Variants in MRPL1 observed in about 807,000 individuals in gnomAD.
MRPL1 encodes the protein large ribosomal subunit protein uL1m.
A neutral mutation model predicts 38.0 loss-of-function variants in MRPL1; 28 were observed. The ratio of observed to expected loss-of-function variants is 0.74; its 90% confidence interval spans 0.55 to 1.01. The LOEUF is 1.01. MRPL1 is among the 50% of genes least tolerant of loss of function. The pLI, the probability that MRPL1 is intolerant of heterozygous loss-of-function variation, is 0.00. For missense variants in MRPL1, 358 were observed against 389.8 expected (o/e 0.92, Z 0.69); for synonymous variants, 123 against 126.7 (o/e 0.97, Z 0.20).
intron 7 of MRPL1, among the ~76,000 whole-genome samples, chr4:77,929,611 T>G (rs1052613099): frequency 5.9e-5 from 9 of 152,292 alleles, no homozygotes; most frequent in African/African-American, 2.2e-4. Flanking sequence ...TTTGTTAAAG[T>G]GATGTAAAGC....
At chr4:77,932,163 C>G (rs1416856401) in intron 7 of MRPL1, among the ~76,000 whole-genome samples, 1 of 152,218 alleles carries the variant, frequency 6.6e-6, no homozygotes, top group Non-Finnish European at 1.5e-5. Flanking sequence ...GCAACAACAA[C>G]TGTGTTCAAG....
chr4:77,928,504 T>C (rs1736769442), intron 7 of MRPL1, among the ~76,000 whole-genome samples: 1 of 152,202 alleles, frequency 6.6e-6, no homozygotes, highest in Non-Finnish European at 1.5e-5. Context: ...TTTCTTTTGT[T>C]GCATTATTTT....
At chr4:77,872,011 A>G (rs1332931518) in intron 2 of MRPL1, among the ~76,000 whole-genome samples, 156 bp downstream of exon 2, 1 of 152,256 alleles carries the variant, frequency 6.6e-6, no homozygotes, top group Non-Finnish European at 1.5e-5. Flanking sequence ...AAGATAAGAC[A>G]TAATAATACT....
At chr4:77,916,955 A>T (rs1158761878) in intron 7 of MRPL1, among the ~76,000 whole-genome samples, 1 of 152,206 alleles carries the variant, frequency 6.6e-6, no homozygotes, top group South Asian at 2.1e-4. Context: ...GTATCTTTAT[A>T]CCCTCACTAG....
In MRPL1 at chr4:77,883,235, T is replaced by C. The variant is rs1430676535; in HGVS notation, c.144-7T>C. On this transcript the variant is annotated splice_polypyrimidine_tract_variant and splice_region_variant and intron_variant, in intron 2 of 8. Coordinates refer to ENST00000315567, the MANE Select transcript of MRPL1 (RefSeq NM_020236.4). ...ATTGATATAACTCAACTTTATTTTC[T>C]TTTAAGGTCTGCAAAGAAAACAAAA... 2.0e-6 allele frequency: 3 copies of C among 1,534,978 alleles called. No individual in the cohort carries two copies. Among genetic ancestry groups the C allele is most frequent in the Non-Finnish European group, 2.6e-6 (3 of 1,141,196 alleles).
intron 7 of MRPL1, among the ~76,000 whole-genome samples, chr4:77,912,604 C>G (rs1359507347): frequency 6.6e-6 from 1 of 152,068 alleles, no homozygotes. Flanking sequence ...TCAGTAGACT[C>G]AATATTGTTA....
intron 2 of MRPL1, among the ~76,000 whole-genome samples, chr4:77,880,113 A>G (rs967337922): frequency 3.3e-5 from 5 of 152,190 alleles, no homozygotes; most frequent in Non-Finnish European, 7.3e-5. Context: ...ACAAATTACC[A>G]CAAACTTTGA....
intron 7 of MRPL1, among the ~76,000 whole-genome samples, chr4:77,930,935 G>A (rs1345047127): frequency 1.1e-4 from 17 of 152,134 alleles, no homozygotes; most frequent in Non-Finnish European, 2.5e-4. Flanking sequence ...TTGAAAAGGG[G>A]GAAAGACTCA....
At position 77,909,354 on chromosome 4, in the gene MRPL1, C is replaced by T. The variant is rs976102355; in HGVS notation, c.759C>T (p.Leu253=). 6.3e-6 allele frequency: 10 copies of T among 1,585,070 alleles called. No homozygotes were observed. Among genetic ancestry groups the T allele is most frequent in the Admixed American group, 1.7e-5 (1 of 58,570 alleles). Residue 253 remains leucine, a synonymous_variant, in exon 7 of 9, where the codon CTC becomes CTT. Transcript: ENST00000315567. ...IKVDEERENF[L]QTKIATLDMS... is the part of the protein sequence containing the mutation. Reference sequence around the variant, plus strand: ...TAGATGAAGAAAGGGAGAACTTTCTCCAGACCAAAATAGCAACAGTAAGTT... The same window carrying T: ...TAGATGAAGAAAGGGAGAACTTTCTTCAGACCAAAATAGCAACAGTAAGTT...
intron 7 of MRPL1, among the ~76,000 whole-genome samples, chr4:77,935,165 G>C (rs930830981): frequency 6.6e-6 from 1 of 152,138 alleles, no homozygotes; most frequent in Non-Finnish European, 1.5e-5. Flanking sequence ...GAAATCACAT[G>C]AGGGAATTTT....
At chr4:77,888,034 A>G (rs1735723329) in intron 5 of MRPL1, among the ~76,000 whole-genome samples, 2 of 152,050 alleles carry the variant, frequency 1.3e-5, no homozygotes, top group South Asian at 2.1e-4. Flanking sequence ...AAGATCAAAT[A>G]TTTGTTTTTT....
intron 7 of MRPL1, among the ~76,000 whole-genome samples, chr4:77,913,444 G>C (rs1343740841): frequency 6.6e-6 from 1 of 152,064 alleles, no homozygotes; most frequent in African/African-American, 2.4e-5. Flanking sequence ...AACCACAATG[G>C]GATAACACAC....
intron 1 of MRPL1, among the ~76,000 whole-genome samples, chr4:77,865,379 A>T (rs1055196736): frequency 6.6e-6 from 1 of 151,110 alleles, no homozygotes; most frequent in Non-Finnish European, 1.5e-5. Flanking sequence ...TTTGAAGGCA[A>T]TTCCATCCTT....
At chr4:77,938,696 TCA>T (rs1017378074) in intron 7 of MRPL1, among the ~76,000 whole-genome samples, 1 of 152,178 alleles carries the variant, frequency 6.6e-6, no homozygotes, top group Non-Finnish European at 1.5e-5. Context: ...CCCACAGCCC[TCA>T]GTCTGTTAAC....
At chr4:77,936,985 C>T (rs1049876566) in intron 7 of MRPL1, among the ~76,000 whole-genome samples, 25 of 152,100 alleles carry the variant, frequency 1.6e-4, no homozygotes, top group African/African-American at 6.0e-4. Context: ...ATTAGCCCAG[C>T]GTGGTGGCGC....
chr4:77,945,557 C>T (rs1477513424), intron 7 of MRPL1, among the ~76,000 whole-genome samples: 1 of 151,886 alleles, frequency 6.6e-6, no homozygotes, highest in African/African-American at 2.4e-5. Context: ...CCTTTATTCA[C>T]ATTGTAATCC....
chr4:77,870,872 A>G (rs1306660555), intron 1 of MRPL1, among the ~76,000 whole-genome samples: 1 of 152,206 alleles, frequency 6.6e-6, no homozygotes, highest in Non-Finnish European at 1.5e-5. Flanking sequence ...AAAATAGAAC[A>G]TTAACAATAC....
rs921391332 is a variant in MRPL1, at chr4:77,874,787, T to C, written c.143+2932T>C. ...AGCCACTTATATTTTCTTTTCTTTT[T>C]TTTTTTTTTTTGAGGTGAAGTTTTG... On this transcript the variant is annotated intron_variant, in intron 2 of 8. Coordinates refer to ENST00000315567, the MANE Select transcript of MRPL1 (RefSeq NM_020236.4). Among the ~76,000 whole-genome samples the C allele has an allele frequency of 8.6e-5, 13 of 150,804 alleles. 1 individual carries two copies. The South Asian group carries it at 1.0e-3, about 12-fold the overall frequency.
At chr4:77,926,223 G>A (rs989629340) in intron 7 of MRPL1, among the ~76,000 whole-genome samples, 8 of 152,138 alleles carry the variant, frequency 5.3e-5, no homozygotes, top group African/African-American at 1.7e-4. Flanking sequence ...GCACATGACT[G>A]GAGAGATTAA....
Sources: gnomAD v4.1 joint callset for allele counts (sites outside exome capture counted in the v4.1 genomes callset) on GRCh38, gnomAD v4.1.1 for gene constraint, MANE v1.5 for transcripts, NCBI Gene and HGNC (gene_info 2026-07-23, HGNC 2026-07-21) for gene names.